The following GLT6D1 variants were observed in gnomAD, a reference collection of about 807,000 sequenced individuals.
GLT6D1 encodes the protein glycosyltransferase 6 domain containing 1.
In GLT6D1, 9 loss-of-function variants were observed where a neutral mutation model predicts 12.3. That is an observed-to-expected ratio of 0.73 (90% CI 0.44 to 1.27). The LOEUF is 1.27. GLT6D1 is among the 50% of genes most tolerant of loss of function. GLT6D1 has a pLI of 0.00. For missense variants in GLT6D1, 335 were observed against 346.2 expected, an observed-to-expected ratio of 0.97 and a Z score of 0.26; for synonymous variants, 128 against 132.3, an observed-to-expected ratio of 0.97 and a Z score of 0.23.
chr9:135,629,855 A>G (rs7863356), intron 3 of GLT6D1, among the ~76,000 whole-genome samples: 1,712 of 151,972 alleles, frequency 0.011, 33 homozygotes, highest in African/African-American at 0.039. Flanking sequence ...TTTTTTCTCT[A>G]GTAACAATTT....
intron 3 of GLT6D1, among the ~76,000 whole-genome samples, chr9:135,627,315 A>G (rs1333239): frequency 0.23 from 34,528 of 152,124 alleles, 4,015 homozygotes; most frequent in African/African-American, 0.28. Flanking sequence ...CACATTAAAA[A>G]TTAATCTCAT....
At chr9:135,625,646 A>G (rs1009381474) in intron 4 of GLT6D1, among the ~76,000 whole-genome samples, 1 of 152,156 alleles carries the variant, frequency 6.6e-6, no homozygotes, top group South Asian at 2.1e-4. Flanking sequence ...TAGGATTGCA[A>G]TGCATTGTGG....
chr9:135,627,799 T>C (rs1454797644), intron 3 of GLT6D1, among the ~76,000 whole-genome samples: 1 of 152,182 alleles, frequency 6.6e-6, no homozygotes, highest in Non-Finnish European at 1.5e-5. Flanking sequence ...ATATGAAATT[T>C]CAAATTTCTC....
At chr9:135,635,891 C>G (rs1420420491) in intron 2 of GLT6D1, among the ~76,000 whole-genome samples, 1 of 152,240 alleles carries the variant, frequency 6.6e-6, no homozygotes, top group Non-Finnish European at 1.5e-5. Flanking sequence ...TTCCCTCCAA[C>G]AGCAAGAAAC....
Position 135,623,918 on chromosome 9 carries a change from A to G in GLT6D1, c.*179T>C. On this transcript the variant is annotated 3_prime_UTR_variant, in exon 5 of 5. Transcript: ENST00000371763. ...GAAGGATGTAAATTTGTATGTCTCTAAAAAATGGAAGGTCTTAAGACTTCC... is the reference window on the plus strand; with the variant it reads ...GAAGGATGTAAATTTGTATGTCTCTGAAAAATGGAAGGTCTTAAGACTTCC... The G allele has an allele frequency of 1.9e-6, 1 of 522,518 alleles. No individual in the cohort carries two copies. Among genetic ancestry groups the G allele is most frequent in the Non-Finnish European group, 3.4e-6 (1 of 297,390 alleles). 32.4% of individuals were successfully genotyped at this position (522,518 alleles called of 1,614,324 possible). A position where few individuals can be genotyped will look rare whatever the true frequency, so the allele number is the denominator to read the frequency against.
chr9:135,629,071 T>C (rs1422417453), intron 3 of GLT6D1, among the ~76,000 whole-genome samples: 1 of 152,128 alleles, frequency 6.6e-6, no homozygotes, highest in Admixed American at 6.5e-5. Flanking sequence ...GCTCTTCTTT[T>C]TTTCCTGTGC....
chr9:135,632,750 C>T (rs1018303986), intron 2 of GLT6D1, among the ~76,000 whole-genome samples: 5 of 151,674 alleles, frequency 3.3e-5, no homozygotes, highest in African/African-American at 7.3e-5. Context: ...TCACCGCAAC[C>T]TCCACCTCTT....
chr9:135,634,750 C>T (rs1833732604), intron 2 of GLT6D1, among the ~76,000 whole-genome samples: 1 of 150,888 alleles, frequency 6.6e-6, no homozygotes, highest in Non-Finnish European at 1.5e-5. Context: ...TGCCACACTC[C>T]ACTCAGCCTC....
At chr9:135,631,599 G>A in intron 2 of GLT6D1, 121 bp from the exon 3 acceptor site, 1 of 764,676 alleles carries the variant, frequency 1.3e-6, no homozygotes, top group Non-Finnish European at 2.4e-6. Context: ...AGAGTCAGGG[G>A]AAGCCTCCCA....
intron 2 of GLT6D1, among the ~76,000 whole-genome samples, chr9:135,631,760 A>T (rs986625773): frequency 1.3e-5 from 2 of 152,246 alleles, no homozygotes; most frequent in African/African-American, 4.8e-5. Context: ...TGAACAGATC[A>T]GCTAAGAGAA....
In GLT6D1 at chr9:135,624,542, A is replaced by C; in HGVS notation, c.386T>G (p.Leu129Arg). 6.2e-7 allele frequency: 1 copy of C among 1,613,952 alleles called. No homozygotes were observed. The highest frequency in any genetic ancestry group is 8.5e-7 in the Non-Finnish European group (1 of 1,180,018). Residue 129 changes from leucine to arginine, a missense_variant, in exon 5 of 5, where the codon CTT becomes CGT. Transcript: ENST00000371763. The part of the protein sequence containing the change: ...FKLPDIEPSP[L>R]RTFKAFKVGT... ...CACTTTAAATGCTTTGAACGTTCGA[A>C]GAGGACTGGGCTCTATGTCAGGCAG...
chr9:135,636,790 C>T (rs1221568228), intron 2 of GLT6D1, among the ~76,000 whole-genome samples: 2 of 152,208 alleles, frequency 1.3e-5, no homozygotes, highest in Non-Finnish European at 2.9e-5. Context: ...GGGCTTTTTG[C>T]ACTCAGCAAT....
chr9:135,639,672 A>G (rs1331140109), upstream of GLT6D1: 1 of 152,852 alleles, frequency 6.5e-6, no homozygotes, highest in Non-Finnish European at 1.5e-5. Flanking sequence ...TAAACGGAGA[A>G]TGAAGTCTAC....
intron 2 of GLT6D1, among the ~76,000 whole-genome samples, chr9:135,632,538 A>G (rs1833673313): frequency 6.6e-6 from 1 of 152,218 alleles, no homozygotes; most frequent in Admixed American, 6.5e-5. Flanking sequence ...AACTTAATAA[A>G]AAGTCCCCAT....
intron 2 of GLT6D1, among the ~76,000 whole-genome samples, chr9:135,636,511 A>G (rs1232866195): frequency 2.0e-5 from 3 of 152,158 alleles, no homozygotes; most frequent in African/African-American, 7.2e-5. Flanking sequence ...CGAACCTCCT[A>G]GCTAATTTTT....
intron 4 of GLT6D1, among the ~76,000 whole-genome samples, chr9:135,624,896 A>AT (rs397894316): frequency 0.24 from 29,618 of 125,914 alleles, 3,552 homozygotes; most frequent in Non-Finnish European, 0.27. Context: ...CGCCCAGGTA[A>AT]TTTTTTTTTT....
At chr9:135,624,769 GC>G in intron 4 of GLT6D1, 99 bp from the exon 5 acceptor site, 1 of 757,780 alleles carries the variant, frequency 1.3e-6, no homozygotes, top group Non-Finnish European at 1.9e-6. Context: ...TCCCTCTGAT[GC>G]CCAGGCTGGA....
At chr9:135,629,670 A>G (rs1027040159) in intron 3 of GLT6D1, among the ~76,000 whole-genome samples, 4 of 152,132 alleles carry the variant, frequency 2.6e-5, no homozygotes, top group African/African-American at 4.8e-5. Flanking sequence ...TCTGTCTCTT[A>G]TTGAAAGTGA....
intron 4 of GLT6D1, among the ~76,000 whole-genome samples, chr9:135,625,270 A>T (rs1353946417): frequency 6.6e-6 from 1 of 152,132 alleles, no homozygotes. Context: ...CTAAATGGGT[A>T]TGAGTCAAAA....
Sources: allele counts gnomAD v4.1 joint callset (sites outside exome capture counted in the v4.1 genomes callset), GRCh38; gene constraint gnomAD v4.1.1; transcripts MANE v1.5; gene names NCBI Gene and HGNC (gene_info 2026-07-23, HGNC 2026-07-21).